The following ADAM17 variants were observed in gnomAD, a reference collection of about 807,000 sequenced individuals.
ADAM17 encodes the protein ADAM metallopeptidase domain 17.
ADAM17 carries 39 observed loss-of-function variants against 96.7 expected under a neutral mutation model. The ratio of observed to expected loss-of-function variants is 0.40; its 90% CI spans 0.31 to 0.53. The LOEUF is 0.53. ADAM17 is among the 20% of genes least tolerant of loss of function. The pLI is 0.44. For synonymous variants in ADAM17, 344 were observed against 359.2 expected, an observed-to-expected ratio of 0.96 and a Z score of 0.48; for missense variants, 777 against 1,013.2, an observed-to-expected ratio of 0.77 and a Z score of 3.17.
At chr2:9,548,386 G>A (rs1665478972) in intron 1 of ADAM17, among the ~76,000 whole-genome samples, 1 of 151,848 alleles carries the variant, frequency 6.6e-6, no homozygotes, top group South Asian at 2.1e-4. Flanking sequence ...TGGGCTAGAG[G>A]GGAACAAGAC....
Position 9,543,257 on chromosome 2 carries a change from G to T in ADAM17, c.126C>A (p.Tyr42Ter). 6.2e-7 allele frequency: 1 copy of T among 1,604,386 alleles called. No homozygotes were observed. The highest frequency in any genetic ancestry group is 1.7e-5 in the Admixed American group (1 of 58,060). The change falls in exon 2 of 19, where the codon TAC becomes TAA. Residue 42 changes from tyrosine to a stop codon, truncating the protein, a stop_gained. Transcript: ENST00000310823. LOFTEE classifies it high-confidence loss of function. ...LEKLDSLLSD[Y>*]DILSLSNIQQ... The stretch of plus-strand genomic sequence containing the variant: ...GGATATTAGATAAAGAGAGAATATC[G>T]TAGTCTGAGAGCAAAGAATCAAGCT...
At chr2:9,499,306 A>AATCTATTTT (rs1434466083) in intron 13 of ADAM17, among the ~76,000 whole-genome samples, 1 of 152,114 alleles carries the variant, frequency 6.6e-6, no homozygotes, top group Non-Finnish European at 1.5e-5. Flanking sequence ...CATTTTTCTC[A>AATCTATTTT]ATCTATTTTA....
At chr2:9,521,176 C>T in intron 8 of ADAM17, 27 bp downstream of exon 8, 2 of 1,484,718 alleles carry the variant, frequency 1.3e-6, no homozygotes, top group Non-Finnish European at 1.9e-6. Flanking sequence ...GTGGTGTTAG[C>T]ACCATATCCA....
Position 9,505,309 on chromosome 2 carries a change from C to G in ADAM17, c.1401G>C (p.Gln467His). ...TATTGCTGCGTTCTTGAAAACACTCCTGGGCCTTACTTTCAATGGTCTTAT... is the reference window on the plus strand; with the variant it reads ...TATTGCTGCGTTCTTGAAAACACTCGTGGGCCTTACTTTCAATGGTCTTAT... ...SIYKTIESKA[Q>H]ECFQERSNKV... Residue 467 changes from glutamine (Q) to histidine (H), a missense_variant, in exon 12 of 19, where the codon CAG becomes CAC. Transcript: ENST00000310823. 1.2e-6 allele frequency: 2 copies of G among 1,614,182 alleles called. No homozygotes were observed. The highest frequency in any genetic ancestry group is 1.1e-5 in the South Asian group (1 of 91,078).
At chr2:9,521,346 CA>C in intron 7 of ADAM17, 30 bp from the exon 8 acceptor site, 1 of 1,453,560 alleles carries the variant, frequency 6.9e-7, no homozygotes, top group East Asian at 2.3e-5. Flanking sequence ...ATACTTAGAA[CA>C]CTTCCAAAAT....
At position 9,520,988 on chromosome 2, in the gene ADAM17, G is replaced by GAAAAAAAAAAAAAAAA. The variant is rs1234369493; in HGVS notation, c.957+214_957+215insTTTTTTTTTTTTTTTT. Among the ~76,000 whole-genome samples the GAAAAAAAAAAAAAAAA allele has an allele frequency of 3.5e-4, 39 of 112,120 alleles. 1 individual carries two copies. Among genetic ancestry groups the GAAAAAAAAAAAAAAAA allele is most frequent in the African/African-American group, 5.9e-4 (18 of 30,424 alleles). 73.6% of individuals were successfully genotyped at this position (112,120 alleles called of 152,430 possible). ...TCAAAAAAAAAAAAAAAAAAAAAAG[G>GAAAAAAAAAAAAAAAA]AAGCATTGCTTTATAGCGTTTTTCT... On this transcript the variant is annotated intron_variant, in intron 8 of 18. Transcript: ENST00000310823.
chr2:9,535,838 A>C lies in ADAM17; in HGVS notation c.446T>G (p.Ile149Arg). 6.3e-7 allele frequency: 1 copy of C among 1,590,092 alleles called. No individual in the cohort carries two copies. The highest frequency in any genetic ancestry group is 8.6e-7 in the Non-Finnish European group (1 of 1,165,896). Residue 149 changes from isoleucine (I) to arginine (R), a missense_variant, in exon 4 of 19, where the codon ATA (isoleucine) becomes AGA (arginine). Coordinates refer to ENST00000310823, the MANE Select transcript of ADAM17 (RefSeq NM_003183.6). ...RINTDGAEYN[I>R]EPLWRFVNDT... The stretch of plus-strand genomic sequence containing the variant: ...AAAATTCACATATAAATTTACCTCT[A>C]TGTTATATTCGGCCCCATCTGTGTT...
chr2:9,499,767 C>T (rs931449011), intron 13 of ADAM17, among the ~76,000 whole-genome samples: 4 of 152,256 alleles, frequency 2.6e-5, no homozygotes, highest in East Asian at 1.9e-4. Flanking sequence ...AAAACATGGG[C>T]AACATGTCAT....
chr2:9,551,960 T>TA (rs1192005474), intron 1 of ADAM17, among the ~76,000 whole-genome samples: 1 of 152,114 alleles, frequency 6.6e-6, no homozygotes, highest in Admixed American at 6.5e-5. Flanking sequence ...TACTACACAG[T>TA]AAAAAATATA....
At chr2:9,536,275 A>C (rs1664955471) in intron 3 of ADAM17, among the ~76,000 whole-genome samples, 1 of 151,372 alleles carries the variant, frequency 6.6e-6, no homozygotes, top group South Asian at 2.1e-4. Flanking sequence ...TTTCAATGAC[A>C]TTTTTTTTTC....
rs34863481 is a variant in ADAM17 at position 9,518,259 on chromosome 2, C to CAAAA, written c.958-16_958-13dup. On this transcript the variant is annotated splice_polypyrimidine_tract_variant and intron_variant, in intron 8 of 18. Coordinates refer to ENST00000310823, the MANE Select transcript of ADAM17 (RefSeq NM_003183.6). The stretch of plus-strand genomic sequence containing the variant: ...TCAAAGCTAAATTGCTTTGAAAGAC[C>CAAAA]AAAAAAAAAAAAAAAAAAAAAAGCA... 282 of 816,448 alleles carry CAAAA rather than the reference C, an allele frequency of 3.5e-4. 1 individual carries two copies. The highest frequency in any genetic ancestry group is 8.9e-4 in the South Asian group (20 of 22,408). The allele number at this position is 816,448 out of a possible 1,614,324, so 50.6% of individuals were successfully genotyped here. A position where few individuals can be genotyped will look rare whatever the true frequency, so the allele number is the denominator to read the frequency against.
chr2:9,504,819 T>C (rs1221821279), intron 12 of ADAM17, among the ~76,000 whole-genome samples: 1 of 151,398 alleles, frequency 6.6e-6, no homozygotes, highest in Admixed American at 6.6e-5. Context: ...CCAAGGAGCA[T>C]GCAAGGTCAA....
intron 6 of ADAM17, among the ~76,000 whole-genome samples, 155 bp downstream of exon 6, chr2:9,525,955 AT>A (rs1484010309): frequency 6.6e-6 from 1 of 152,232 alleles, no homozygotes; most frequent in African/African-American, 2.4e-5. Flanking sequence ...TGAAACTATA[AT>A]TTCCATACAG....
At chr2:9,535,021 C>T (rs1188165509) in intron 4 of ADAM17, among the ~76,000 whole-genome samples, 2 of 152,128 alleles carry the variant, frequency 1.3e-5, no homozygotes, top group African/African-American at 4.8e-5. Flanking sequence ...TAACATACTG[C>T]AAGGCCATAG....
rs772443121 is a variant in ADAM17, at chr2:9,490,312, G to A, written c.2340C>T (p.Asp780=). The A allele has an allele frequency of 1.2e-6, 2 of 1,614,006 alleles. No individual in the cohort carries two copies. The highest frequency in any genetic ancestry group is 1.3e-5 in the African/African-American group (1 of 74,916). Reference sequence around the variant, plus strand: ...CAGCTGTGCTGCTATTTGGGAAGGGGTCCTTCTCAAACCCATCCTCGTCCA... The same window carrying A: ...CAGCTGTGCTGCTATTTGGGAAGGGATCCTTCTCAAACCCATCCTCGTCCA... ...SHMDEDGFEK[D]PFPNSSTAAK... is the part of the protein sequence containing the mutation. Residue 780 remains aspartate (D), a synonymous_variant, in exon 19 of 19, where the codon GAC becomes GAT. Transcript: ENST00000310823.
Position 9,505,477 on chromosome 2 carries a change from G to A in ADAM17, c.1345-112C>T, listed in dbSNP as rs950480574. 11 of 1,137,460 alleles carry A rather than the reference G, an allele frequency of 9.7e-6. No individual in the cohort carries two copies. The Admixed American group carries it at 2.2e-4, about 23-fold the overall frequency. 70.5% of individuals were successfully genotyped at this position (1,137,460 alleles called of 1,614,324 possible). A position where few individuals can be genotyped will look rare whatever the true frequency, so the allele number is the denominator to read the frequency against. The stretch of plus-strand genomic sequence containing the variant: ...CTCTTAATGTAAAACCACCATCAGA[G>A]CCACCCTGGAGTTATGGCAAGGCCA... On this transcript the variant is annotated intron_variant, in intron 11 of 18. Transcript: ENST00000310823.
chr2:9,489,159 T>G lies in ADAM17; in HGVS notation c.*1018A>C, dbSNP rs1661857489. The G allele has an allele frequency of 7.0e-6, 1 of 142,344 alleles. No individual in the cohort carries two copies. The highest frequency in any genetic ancestry group is 2.2e-4 in the South Asian group (1 of 4,570). The allele number at this position is 142,344 out of a possible 1,614,324, so 8.8% of individuals were successfully genotyped here. ...CACATTCAAAACAACCTGTTTTTTT[T>G]GTTGTTGTTGTTGTTAAGAAATATC... is the stretch of plus-strand genomic sequence containing the variant. On this transcript the variant is annotated 3_prime_UTR_variant, in exon 19 of 19. Transcript: ENST00000310823.
chr2:9,516,293 T>C (rs1664052166), intron 10 of ADAM17, among the ~76,000 whole-genome samples: 1 of 151,860 alleles, frequency 6.6e-6, no homozygotes, highest in African/African-American at 2.4e-5. Context: ...CTGACCATCT[T>C]GCCCAGGTTA....
At position 9,536,810 on chromosome 2, in the gene ADAM17, C is replaced by G. The variant is rs762979463; in HGVS notation, c.249G>C (p.Leu83=). 1 of 1,613,680 alleles carries G rather than the reference C, an allele frequency of 6.2e-7. No individual in the cohort carries two copies. The highest frequency in any genetic ancestry group is 8.5e-7 in the Non-Finnish European group (1 of 1,179,856). The change falls in exon 3 of 19, where the codon CTG becomes CTC. Residue 83 remains leucine, a synonymous_variant. Transcript: ENST00000310823. ...SALKRHFKLY[L]TSSTERFSQN... ...GTGAAAAACGTTCAGTACTTGATGTCAGGTATAATTTAAAATGCCTGAAGA... is the reference window on the plus strand; with the variant it reads ...GTGAAAAACGTTCAGTACTTGATGTGAGGTATAATTTAAAATGCCTGAAGA...
Sources: allele counts gnomAD v4.1 joint callset (sites outside exome capture counted in the v4.1 genomes callset), GRCh38; gene constraint gnomAD v4.1.1; transcripts MANE v1.5; gene names NCBI Gene and HGNC (gene_info 2026-07-23, HGNC 2026-07-21).